Variants in VRK2 observed in about 807,000 individuals in gnomAD.
The protein encoded by VRK2 is serine/threonine-protein kinase VRK2.
VRK2 carries 60 observed loss-of-function variants against 57.6 expected under a neutral mutation model. The observed-to-expected ratio is 1.04, with a 90% CI of 0.85 to 1.29. The LOEUF is 1.29. Ranked by LOEUF, VRK2 falls within the 50% of genes most tolerant of loss-of-function variation. The pLI, the probability that VRK2 is intolerant of heterozygous loss-of-function variation, is 0.00. For synonymous variants in VRK2, 231 were observed against 199.2 expected (o/e 1.16, Z -1.35); for missense variants, 705 against 588.1 (o/e 1.20, Z -2.06).
intron 2 of VRK2, among the ~76,000 whole-genome samples, chr2:58,051,497 T>C (rs1675739857): frequency 6.6e-6 from 1 of 152,240 alleles, no homozygotes; most frequent in Non-Finnish European, 1.5e-5. Context: ...ATCATGTTTT[T>C]GCATTTTATC....
At chr2:57,933,338 GTA>G (rs1670800406) in intron 1 of VRK2, among the ~76,000 whole-genome samples, 1 of 88,546 alleles carries the variant, frequency 1.1e-5, no homozygotes, top group Non-Finnish European at 1.9e-5. Flanking sequence ...TTTTGAGGCA[GTA>G]TCTCACTCTG....
chr2:58,076,528 A>G (rs1558602372), intron 2 of VRK2, among the ~76,000 whole-genome samples: 1 of 152,046 alleles, frequency 6.6e-6, no homozygotes, highest in Non-Finnish European at 1.5e-5. Flanking sequence ...AACCCTGTTG[A>G]CCATTGTAAG....
At chr2:57,956,284 C>G (rs937338507) in intron 1 of VRK2, among the ~76,000 whole-genome samples, 1 of 152,112 alleles carries the variant, frequency 6.6e-6, no homozygotes, top group South Asian at 2.1e-4. Context: ...ACTTGGGAGG[C>G]TGAGGCAGGA....
chr2:58,089,996 A>G (rs1186061084), intron 7 of VRK2, among the ~76,000 whole-genome samples: 2 of 152,198 alleles, frequency 1.3e-5, no homozygotes, highest in African/African-American at 4.8e-5. Flanking sequence ...GCAAATATAG[A>G]TAAGCAAAGA....
At chr2:58,005,394 C>G (rs1286505687) in intron 1 of VRK2, among the ~76,000 whole-genome samples, 1 of 151,758 alleles carries the variant, frequency 6.6e-6, no homozygotes, top group Non-Finnish European at 1.5e-5. Context: ...ATTTCTTACT[C>G]TAGCACTTTT....
At chr2:57,929,102 A>G (rs1371571986) in intron 1 of VRK2, among the ~76,000 whole-genome samples, 2 of 152,306 alleles carry the variant, frequency 1.3e-5, no homozygotes, top group African/African-American at 4.8e-5. Context: ...TACAATCCGC[A>G]GGTAGCAAAG....
At chr2:58,023,756 C>A (rs377757216) in intron 1 of VRK2, among the ~76,000 whole-genome samples, 5 of 152,056 alleles carry the variant, frequency 3.3e-5, no homozygotes, top group Non-Finnish European at 7.4e-5. Flanking sequence ...TGTTTCTAGG[C>A]CTTTAAGATA....
intron 1 of VRK2, among the ~76,000 whole-genome samples, chr2:57,945,698 A>G (rs920342606): frequency 6.6e-6 from 1 of 152,180 alleles, no homozygotes; most frequent in Non-Finnish European, 1.5e-5. Context: ...TCACATGGAC[A>G]TGGATGTATA....
intron 5 of VRK2, among the ~76,000 whole-genome samples, chr2:58,087,845 G>C (rs1299847883): frequency 1.3e-5 from 2 of 152,084 alleles, no homozygotes; most frequent in African/African-American, 4.8e-5. Context: ...AAATTAGCTG[G>C]GTGTGGTGGT....
intron 1 of VRK2, among the ~76,000 whole-genome samples, chr2:58,048,158 T>G (rs1226457651): frequency 1.3e-5 from 2 of 152,232 alleles, no homozygotes; most frequent in Non-Finnish European, 2.9e-5. Flanking sequence ...GCTTTTGTTG[T>G]TGGTGGCACA....
At chr2:57,981,848 T>C (rs1463635596) in intron 1 of VRK2, among the ~76,000 whole-genome samples, 1 of 152,214 alleles carries the variant, frequency 6.6e-6, no homozygotes, top group South Asian at 2.1e-4. Flanking sequence ...GTTGATGAGC[T>C]TCCTTGCCAT....
At chr2:58,045,301 C>T (rs1025924938), upstream of VRK2, among the ~76,000 whole-genome samples, 1 of 152,136 alleles carries the variant, frequency 6.6e-6, no homozygotes, top group Admixed American at 6.5e-5. Flanking sequence ...GTTGAGCCAA[C>T]AGGATTTACT....
intron 7 of VRK2, among the ~76,000 whole-genome samples, chr2:58,113,178 A>G (rs1430464166): frequency 6.6e-6 from 1 of 151,972 alleles, no homozygotes; most frequent in East Asian, 1.9e-4. Flanking sequence ...GCGTGGTGGC[A>G]CACGGCTGTA....
intron 7 of VRK2, among the ~76,000 whole-genome samples, chr2:58,090,883 G>T (rs1003554870): frequency 2.0e-4 from 31 of 152,176 alleles, no homozygotes; most frequent in African/African-American, 7.5e-4. Flanking sequence ...AAATAGAAAT[G>T]AACTTTTCAG....
chr2:58,046,722 G>A, upstream of VRK2: 1 of 985,552 alleles, frequency 1.0e-6, no homozygotes, highest in Non-Finnish European at 1.2e-6. Context: ...GACGCAGCTG[G>A]AGAGAAGTTA....
At chr2:57,933,273 A>T (rs2103937042) in intron 1 of VRK2, among the ~76,000 whole-genome samples, 1 of 148,620 alleles carries the variant, frequency 6.7e-6, no homozygotes, top group South Asian at 2.1e-4. Flanking sequence ...TGGAGTCATC[A>T]ATTACTGTAT....
At chr2:58,003,968 G>A (rs1346288205) in intron 1 of VRK2, among the ~76,000 whole-genome samples, 1 of 152,048 alleles carries the variant, frequency 6.6e-6, no homozygotes, top group Non-Finnish European at 1.5e-5. Context: ...ATTTAGAACA[G>A]ATAGATACCA....
intron 7 of VRK2, among the ~76,000 whole-genome samples, chr2:58,104,458 TACAGTA>T (rs151137748): frequency 0.06 from 9,054 of 151,716 alleles, 909 homozygotes; most frequent in African/African-American, 0.21. Flanking sequence ...CAATTTTATT[TACAGTA>T]ACTAAAAAAA....
intron 2 of VRK2, among the ~76,000 whole-genome samples, chr2:58,069,964 C>G (rs933952874): frequency 6.6e-6 from 1 of 151,974 alleles, no homozygotes; most frequent in South Asian, 2.1e-4. Context: ...TCATAATCTA[C>G]CTGCTATTGT....
Sources: gnomAD v4.1 joint callset for allele counts (sites outside exome capture counted in the v4.1 genomes callset) on GRCh38, gnomAD v4.1.1 for gene constraint, MANE v1.5 for transcripts, NCBI Gene and HGNC (gene_info 2026-07-23, HGNC 2026-07-21) for gene names.